Variants in FNDC3A observed in about 807,000 individuals in gnomAD.
The protein encoded by FNDC3A is fibronectin type-III domain-containing protein 3A.
In FNDC3A, 32 loss-of-function variants were observed where a neutral mutation model predicts 148.9. The ratio of observed to expected loss-of-function variants is 0.21; its 90% CI spans 0.16 to 0.29. The LOEUF is 0.29. FNDC3A is among the 10% of genes least tolerant of loss of function. FNDC3A has a pLI of 1.00. For synonymous variants in FNDC3A, 472 were observed against 473.6 expected, an observed-to-expected ratio of 1.00 and a Z score of 0.04; for missense variants, 1,191 against 1,452.8, an observed-to-expected ratio of 0.82 and a Z score of 2.93.
chr13:49,153,911 G>A (rs1412398139), intron 8 of FNDC3A, among the ~76,000 whole-genome samples: 1 of 129,476 alleles, frequency 7.7e-6, no homozygotes, highest in African/African-American at 3.0e-5. Context: ...ATGCTGTTTT[G>A]GTTACTGTAG....
Position 49,198,447 on chromosome 13 carries a change from C to T in FNDC3A, c.2860C>T (p.Pro954Ser). The change falls in exon 23 of 26, where the codon CCA becomes TCA. Residue 954 changes from proline to serine, a missense_variant. Physicochemically the swap from Pro to Ser is moderately conservative, Grantham distance 74. Transcript: ENST00000492622. ...KLKTKPLPPD[P>S]PRLECVAFSH... ...AAAAACTAAGCCTCTCCCTCCTGAT[C>T]CACCTCGTCTGGAATGTGTTGCCTT... 6.2e-7 allele frequency: 1 copy of T among 1,614,136 alleles called. No individual in the cohort carries two copies. The highest frequency in any genetic ancestry group is 8.5e-7 in the Non-Finnish European group (1 of 1,179,990).
chr13:49,019,377 T>C (rs551960917), intron 2 of FNDC3A, among the ~76,000 whole-genome samples: 4 of 152,360 alleles, frequency 2.6e-5, no homozygotes, highest in African/African-American at 4.8e-5. Context: ...AGGTGCCGTC[T>C]GTCACCCCTT....
rs182318371 is a variant in FNDC3A, at chr13:49,033,417, C to G, written c.99+27128C>G. On this transcript the variant is annotated intron_variant, in intron 2 of 25. Coordinates refer to ENST00000492622, the MANE Select transcript of FNDC3A (RefSeq NM_001079673.2). ...CAGTTGTACCTTTAACATCCTGTCT[C>G]TACGTGTATTTTCACTGGATAAGTA... Among the ~76,000 whole-genome samples the G allele has an allele frequency of 5.9e-5, 9 of 152,174 alleles. No individual in the cohort carries two copies. The East Asian group carries it at 1.5e-3, about 26-fold the overall frequency.
At chr13:48,995,252 A>G (rs1181580914) in intron 1 of FNDC3A, among the ~76,000 whole-genome samples, 1 of 150,920 alleles carries the variant, frequency 6.6e-6, no homozygotes, top group Non-Finnish European at 1.5e-5. Flanking sequence ...ATATTTTCAG[A>G]TATATCTGAC....
chr13:49,054,399 T>G (rs1876073931), intron 2 of FNDC3A, among the ~76,000 whole-genome samples: 1 of 152,220 alleles, frequency 6.6e-6, no homozygotes, highest in Admixed American at 6.5e-5. Flanking sequence ...CATTCAGGAC[T>G]ATTCCTATCA....
At chr13:49,137,212 A>G (rs1882422426) in intron 6 of FNDC3A, among the ~76,000 whole-genome samples, 2 of 151,782 alleles carry the variant, frequency 1.3e-5, no homozygotes, top group African/African-American at 4.8e-5. Flanking sequence ...CTCTCTATAT[A>G]CTCTGTAATT....
chr13:48,996,810 C>G (rs751523267), intron 1 of FNDC3A, among the ~76,000 whole-genome samples: 1 of 152,106 alleles, frequency 6.6e-6, no homozygotes, highest in Non-Finnish European at 1.5e-5. Context: ...ACCTGTAATC[C>G]CAGCACTTTG....
chr13:49,072,778 C>T (rs1877786472), intron 2 of FNDC3A, among the ~76,000 whole-genome samples: 1 of 152,056 alleles, frequency 6.6e-6, no homozygotes, highest in African/African-American at 2.4e-5. Flanking sequence ...GCCACCATGC[C>T]CAGCTAATAC....
chr13:49,179,062 C>G (rs1013103914), intron 14 of FNDC3A, among the ~76,000 whole-genome samples: 2 of 152,212 alleles, frequency 1.3e-5, no homozygotes, highest in Non-Finnish European at 2.9e-5. Flanking sequence ...GTATATACTT[C>G]ACTCCTTTGG....
intron 2 of FNDC3A, among the ~76,000 whole-genome samples, chr13:49,073,821 A>G (rs1268808710): frequency 1.4e-5 from 2 of 147,148 alleles, no homozygotes; most frequent in South Asian, 2.1e-4. Flanking sequence ...ATATATGTGT[A>G]TATATTATAT....
intron 14 of FNDC3A, among the ~76,000 whole-genome samples, chr13:49,181,926 G>C (rs1195960548): frequency 6.6e-6 from 1 of 151,970 alleles, no homozygotes; most frequent in Non-Finnish European, 1.5e-5. Context: ...ACTAAAACAA[G>C]ATAAGAACAG....
intron 5 of FNDC3A, 83 bp downstream of exon 5, chr13:49,131,457 T>TA (rs374686733): frequency 5.0e-6 from 5 of 1,006,304 alleles, no homozygotes; most frequent in East Asian, 2.4e-5. Flanking sequence ...CATATCACAT[T>TA]AAAAAAACAG....
intron 2 of FNDC3A, among the ~76,000 whole-genome samples, chr13:49,023,897 A>G (rs1000926745): frequency 5.9e-5 from 9 of 151,950 alleles, no homozygotes; most frequent in Admixed American, 4.6e-4. Context: ...TGCTTTTTCA[A>G]CTCATAACGT....
At chr13:49,093,239 T>TA (rs1264240058) in intron 3 of FNDC3A, among the ~76,000 whole-genome samples, 1 of 152,136 alleles carries the variant, frequency 6.6e-6, no homozygotes, top group African/African-American at 2.4e-5. Flanking sequence ...AACTGCCCCA[T>TA]ACATACAGAA....
At chr13:49,013,442 A>G (rs1350934100) in intron 2 of FNDC3A, among the ~76,000 whole-genome samples, 1 of 151,838 alleles carries the variant, frequency 6.6e-6, no homozygotes, top group African/African-American at 2.4e-5. Flanking sequence ...TTAGTTACAT[A>G]TGTATACATG....
At chr13:49,001,031 G>A (rs978756362) in intron 1 of FNDC3A, among the ~76,000 whole-genome samples, 3 of 151,920 alleles carry the variant, frequency 2.0e-5, no homozygotes, top group African/African-American at 7.3e-5. Flanking sequence ...TCTGTGAACA[G>A]AGGTAATTTT....
chr13:49,109,631 T>C (rs749158597), intron 3 of FNDC3A, among the ~76,000 whole-genome samples: 12 of 152,228 alleles, frequency 7.9e-5, no homozygotes, highest in South Asian at 2.1e-4. Flanking sequence ...GATAGAGAAC[T>C]CTGAACCTGC....
At chr13:49,190,033 C>T (rs1243426678) in intron 17 of FNDC3A, among the ~76,000 whole-genome samples, 1 of 152,042 alleles carries the variant, frequency 6.6e-6, no homozygotes, top group Non-Finnish European at 1.5e-5. Context: ...ACTACAGGTG[C>T]CTGCCACCAT....
At chr13:49,027,082 AG>A (rs1221462376) in intron 2 of FNDC3A, among the ~76,000 whole-genome samples, 1 of 152,158 alleles carries the variant, frequency 6.6e-6, no homozygotes, top group Non-Finnish European at 1.5e-5. Flanking sequence ...AAGAGTGTAC[AG>A]AAAAAAACAG....
Sources: gnomAD v4.1 joint callset for allele counts (sites outside exome capture counted in the v4.1 genomes callset) on GRCh38, gnomAD v4.1.1 for gene constraint, MANE v1.5 for transcripts, NCBI Gene and HGNC (gene_info 2026-07-23, HGNC 2026-07-21) for gene names.